ALG8: variants seen among roughly 807,000 people sequenced by gnomAD.
ALG8 encodes the protein dolichyl pyrophosphate Glc1Man9GlcNAc2 alpha-1,3-glucosyltransferase.
A neutral mutation model predicts 70.2 loss-of-function variants in ALG8; 48 were observed. The ratio of observed to expected loss-of-function variants is 0.68; its 90% CI spans 0.54 to 0.87. ALG8 has a LOEUF of 0.87. Among genes scored for constraint, ALG8 ranks in the 40% least tolerant of loss-of-function variants. The pLI, the probability that ALG8 is intolerant of heterozygous loss-of-function variation, is 0.00. For missense variants in ALG8, 572 were observed against 608.7 expected, an observed-to-expected ratio of 0.94 and a Z score of 0.64; for synonymous variants, 234 against 229.0, an observed-to-expected ratio of 1.02 and a Z score of -0.20.
chr11:78,125,532 G>A (rs978883340), intron 2 of ALG8, among the ~76,000 whole-genome samples: 3 of 150,564 alleles, frequency 2.0e-5, no homozygotes, highest in Non-Finnish European at 3.0e-5. Flanking sequence ...TTGGAAGGCC[G>A]AGGCAGGTGG....
Position 78,104,060 on chromosome 11 carries a change from AAGAAT to A in ALG8, c.1277-13_1277-9del, listed in dbSNP as rs754253219. On this transcript the variant is annotated splice_polypyrimidine_tract_variant and intron_variant, in intron 11 of 12. Transcript: ENST00000299626. ...AGATTTTAATGGGAAGTTCTGTTAA[AAGAAT>A]AGAAAAAAAAAGATAATTTAGCTGA... is the stretch of plus-strand genomic sequence containing the variant. 6 of 1,459,666 alleles carry A rather than the reference AAGAAT, an allele frequency of 4.1e-6. 1 individual carries two copies. In the South Asian group the frequency reaches 7.0e-5, roughly 17 times the overall value. The allele number at this position is 1,459,666 out of a possible 1,614,324, so 90.4% of individuals were successfully genotyped here. A position where few individuals can be genotyped will look rare whatever the true frequency, so the allele number is the denominator to read the frequency against.
intron 7 of ALG8, 87 bp from the exon 8 acceptor site, chr11:78,112,857 G>A: frequency 6.6e-7 from 1 of 1,519,278 alleles, no homozygotes; most frequent in East Asian, 2.4e-5. Flanking sequence ...CTATGGTATA[G>A]TGTGTAGAAA....
At position 78,112,651 on chromosome 11, in the gene ALG8, G is replaced by T; in HGVS notation, c.897C>A (p.Ile299=). ...AGTAAAAAATGCTCGCTACCATACCGATGACAGACAGCACTTTGTCCAAAG... is the reference window on the plus strand; with the variant it reads ...AGTAAAAAATGCTCGCTACCATACCTATGACAGACAGCACTTTGTCCAAAG... The part of the protein sequence containing the change: ...YNALDKVLSV[I]GLKLKFLDPN... The change falls in exon 8 of 13, where the codon ATC becomes ATA. Residue 299 remains isoleucine (I), a splice_region_variant and synonymous_variant. Coordinates refer to ENST00000299626, the MANE Select transcript of ALG8 (RefSeq NM_024079.5). 6.2e-7 allele frequency: 1 copy of T among 1,613,664 alleles called. No individual in the cohort carries two copies. The highest frequency in any genetic ancestry group is 1.1e-5 in the South Asian group (1 of 91,058).
intron 1 of ALG8, among the ~76,000 whole-genome samples, chr11:78,134,810 C>T (rs1178151472): frequency 6.6e-6 from 1 of 152,240 alleles, no homozygotes; most frequent in African/African-American, 2.4e-5. Context: ...AGTTCTCTTG[C>T]TATTCCCATG....
At chr11:78,104,962 T>C (rs1247847458) in intron 10 of ALG8, among the ~76,000 whole-genome samples, 1 of 139,734 alleles carries the variant, frequency 7.2e-6, no homozygotes, top group East Asian at 2.0e-4. Context: ...AGACTCTGTC[T>C]CAAAAAAAAA....
chr11:78,131,282 T>TAAAC (rs61571470), intron 1 of ALG8, among the ~76,000 whole-genome samples: 33,033 of 151,680 alleles, frequency 0.22, 4,411 homozygotes, highest in African/African-American at 0.38. Context: ...TGATAAATAG[T>TAAAC]AACTACTTTT....
intron 1 of ALG8, chr11:78,133,402 T>G (rs188674873): frequency 6.6e-6 from 1 of 152,218 alleles, no homozygotes; most frequent in Non-Finnish European, 1.5e-5. Flanking sequence ...TTAACTACAA[T>G]TAAAAACATT....
intron 10 of ALG8, among the ~76,000 whole-genome samples, chr11:78,105,732 G>A (rs1859998988): frequency 6.6e-6 from 1 of 150,660 alleles, no homozygotes; most frequent in South Asian, 2.1e-4. Context: ...TTTTGAGACA[G>A]GGTCTCACTC....
chr11:78,133,311 A>T (rs1282787289), intron 1 of ALG8: 1 of 152,190 alleles, frequency 6.6e-6, no homozygotes, highest in East Asian at 1.9e-4. Flanking sequence ...GCAATTAGTA[A>T]ATGTTTTGTT....
intron 1 of ALG8, among the ~76,000 whole-genome samples, chr11:78,136,884 T>C (rs369019778): frequency 2.0e-5 from 3 of 151,338 alleles, no homozygotes; most frequent in Admixed American, 6.6e-5. Flanking sequence ...TACTTTATTA[T>C]GGAGATGGCT....
intron 9 of ALG8, among the ~76,000 whole-genome samples, chr11:78,108,835 T>C (rs1860156573): frequency 6.6e-6 from 1 of 152,242 alleles, no homozygotes; most frequent in African/African-American, 2.4e-5. Context: ...AGTGTAATTA[T>C]CGATAGGATT....
At chr11:78,109,669 A>T in intron 8 of ALG8, 88 bp from the exon 9 acceptor site, 1 of 1,293,850 alleles carries the variant, frequency 7.7e-7, no homozygotes, top group Non-Finnish European at 1.1e-6. Flanking sequence ...AGGAATAAAA[A>T]GTAAGCTACT....
intron 9 of ALG8, 117 bp downstream of exon 9, chr11:78,109,325 T>C (rs1048089865): frequency 7.3e-7 from 1 of 1,366,930 alleles, no homozygotes; most frequent in African/African-American, 1.4e-5. Flanking sequence ...TGCAGAAGGA[T>C]TACAGGCATG....
In ALG8 at chr11:78,109,446, A is replaced by G. The variant is rs761366888; in HGVS notation, c.1034T>C (p.Ile345Thr). ...CACCATCTGTTGAGTTCTTACCAAT[A>G]TGGCAATCAGTGTGCAGATGAGGGT... Reference protein sequence around the residue: ...LATLICTLIAILPSIFCLWFK... With the variant: ...LATLICTLIATLPSIFCLWFK... The change falls in exon 9 of 13, where the codon ATA becomes ACA. Residue 345 changes from isoleucine (I) to threonine (T), a missense_variant. Ile to Thr is a moderately conservative substitution (Grantham distance 89). Transcript: ENST00000299626. The G allele has an allele frequency of 3.1e-6, 5 of 1,614,072 alleles. No homozygotes were observed. In the South Asian group the frequency reaches 5.5e-5, roughly 18 times the overall value.
At chr11:78,123,070 G>A (rs1213739871) in intron 3 of ALG8, among the ~76,000 whole-genome samples, 4 of 152,126 alleles carry the variant, frequency 2.6e-5, no homozygotes, top group Admixed American at 2.6e-4. Flanking sequence ...CACTTTGGGA[G>A]GCCGAGGCGG....
At chr11:78,129,143 G>A (rs369423722) in intron 1 of ALG8, among the ~76,000 whole-genome samples, 20 of 151,962 alleles carry the variant, frequency 1.3e-4, no homozygotes, top group East Asian at 5.8e-4. Flanking sequence ...AAGTGGGGCC[G>A]GGCGCGGTGG....
At chr11:78,122,193 G>C (rs1276503314) in intron 3 of ALG8, among the ~76,000 whole-genome samples, 1 of 152,082 alleles carries the variant, frequency 6.6e-6, no homozygotes, top group Non-Finnish European at 1.5e-5. Context: ...CAATTAAAGG[G>C]GGACTAGCAA....
At chr11:78,106,996 T>C in intron 9 of ALG8, 50 bp from the exon 10 acceptor site, 2 of 1,606,410 alleles carry the variant, frequency 1.2e-6, no homozygotes, top group Non-Finnish European at 8.5e-7. Context: ...AAACAGACTT[T>C]ACAGAAACAG....
chr11:78,107,198 A>AATATATATATATATATATAT, intron 9 of ALG8, among the ~76,000 whole-genome samples: 1 of 143,872 alleles, frequency 7.0e-6, no homozygotes, highest in Non-Finnish European at 1.5e-5. Context: ...TTTATATGTA[A>AATATATATATATATATATAT]ATATATATAT....
Sources: gnomAD v4.1 joint callset for allele counts (sites outside exome capture counted in the v4.1 genomes callset) on GRCh38, gnomAD v4.1.1 for gene constraint, MANE v1.5 for transcripts, NCBI Gene and HGNC (gene_info 2026-07-23, HGNC 2026-07-21) for gene names.